Variants in VGLL3 observed in about 807,000 individuals in gnomAD.
The protein encoded by VGLL3 is transcription cofactor vestigial-like protein 3.
Under a neutral mutation model 29.2 loss-of-function variants are expected in VGLL3, and 18 were observed. That is an observed-to-expected ratio of 0.62 (90% CI 0.43 to 0.91). The LOEUF is 0.91. VGLL3 is among the 40% of genes least tolerant of loss of function. VGLL3 has a pLI of 0.00. For synonymous variants in VGLL3, 180 were observed against 151.8 expected, an observed-to-expected ratio of 1.19 and a Z score of -1.36; for missense variants, 440 against 413.2, an observed-to-expected ratio of 1.06 and a Z score of -0.56.
Position 86,946,113 on chromosome 3 carries a change from A to T in VGLL3, c.*911T>A, listed in dbSNP as rs1426959445. 1.3e-5 allele frequency: 2 copies of T among 152,106 alleles called. No individual in the cohort carries two copies. Among genetic ancestry groups the T allele is most frequent in the African/African-American group, 4.8e-5 (2 of 41,422 alleles). 9.4% of individuals were successfully genotyped at this position (152,106 alleles called of 1,614,324 possible). On this transcript the variant is annotated 3_prime_UTR_variant, in exon 4 of 4. Transcript: ENST00000398399. ...ATTTTTTTCCTTGTAGTTGTATATAACCTCTGGTTCCATTTATCAAATTTG... is the reference window on the plus strand; with the variant it reads ...ATTTTTTTCCTTGTAGTTGTATATATCCTCTGGTTCCATTTATCAAATTTG...
rs1468354992 is a variant in VGLL3 at position 86,941,326 on chromosome 3, C to T, written c.*5698G>A. ...ACGGCATAGAAAGAAATGTACATCT[C>T]TATTAATATAAAGTGATATCAATAG... On this transcript the variant is annotated 3_prime_UTR_variant, in exon 4 of 4. Transcript: ENST00000398399. 1 of 152,284 alleles carries T rather than the reference C, an allele frequency of 6.6e-6. No individual in the cohort carries two copies. Among genetic ancestry groups the T allele is most frequent in the Admixed American group, 6.6e-5 (1 of 15,238 alleles). 9.4% of individuals were successfully genotyped at this position (152,284 alleles called of 1,614,324 possible).
At chr3:86,981,112 A>G (rs1705316843) in intron 1 of VGLL3, among the ~76,000 whole-genome samples, 1 of 152,154 alleles carries the variant, frequency 6.6e-6, no homozygotes, top group Non-Finnish European at 1.5e-5. Flanking sequence ...ATGAAATAAA[A>G]TTGAAGTTAT....
chr3:86,966,056 T>A (rs1704951491), intron 3 of VGLL3, among the ~76,000 whole-genome samples: 1 of 152,152 alleles, frequency 6.6e-6, no homozygotes. Flanking sequence ...AATGACCACA[T>A]ATGGCTCAGC....
chr3:86,960,215 T>C (rs1304863317), intron 3 of VGLL3, among the ~76,000 whole-genome samples: 1 of 152,188 alleles, frequency 6.6e-6, no homozygotes, highest in Non-Finnish European at 1.5e-5. Context: ...TTGTCACTTG[T>C]GAATAATGTC....
chr3:86,989,399 TGAATCTG>T (rs760973107), intron 1 of VGLL3, among the ~76,000 whole-genome samples: 16 of 152,210 alleles, frequency 1.1e-4, no homozygotes, highest in Admixed American at 4.6e-4. Flanking sequence ...ATTTAGCAGA[TGAATCTG>T]GGGCATGTAC....
intron 2 of VGLL3, among the ~76,000 whole-genome samples, chr3:86,973,830 G>A (rs959274979): frequency 1.3e-5 from 2 of 152,134 alleles, no homozygotes; most frequent in African/African-American, 4.8e-5. Flanking sequence ...TGAGCCAACA[G>A]ATGATTTTCT....
intron 3 of VGLL3, among the ~76,000 whole-genome samples, chr3:86,967,929 T>C (rs1186599710): frequency 6.6e-6 from 1 of 152,166 alleles, no homozygotes; most frequent in Non-Finnish European, 1.5e-5. Flanking sequence ...ATCTGTTGAA[T>C]ATAAATTTTA....
At chr3:86,990,251 C>G in intron 1 of VGLL3, 1 of 951,604 alleles carries the variant, frequency 1.1e-6, no homozygotes, top group Non-Finnish European at 1.3e-6. Flanking sequence ...CTGAAACATT[C>G]CATCTTTCCA....
chr3:86,957,182 G>A (rs1422185165), intron 3 of VGLL3, among the ~76,000 whole-genome samples: 2 of 151,988 alleles, frequency 1.3e-5, no homozygotes, highest in South Asian at 2.1e-4. Flanking sequence ...TGTTAACCCC[G>A]CAATATTTTT....
chr3:86,950,080 AC>A (rs1305880519), intron 3 of VGLL3, among the ~76,000 whole-genome samples: 1 of 152,120 alleles, frequency 6.6e-6, no homozygotes, highest in East Asian at 1.9e-4. Context: ...TCCTATTCAT[AC>A]TTTTCTGCTT....
At chr3:86,975,753 G>A (rs1009249846) in intron 2 of VGLL3, among the ~76,000 whole-genome samples, 1 of 152,134 alleles carries the variant, frequency 6.6e-6, no homozygotes, top group African/African-American at 2.4e-5. Context: ...GATAATAGGA[G>A]ATGAAAATTG....
At chr3:86,954,636 A>G (rs575159077) in intron 3 of VGLL3, among the ~76,000 whole-genome samples, 1 of 152,236 alleles carries the variant, frequency 6.6e-6, no homozygotes, top group African/African-American at 2.4e-5. Flanking sequence ...TTTTTATCAT[A>G]GTGGCAATTT....
intron 3 of VGLL3, among the ~76,000 whole-genome samples, chr3:86,965,113 C>T (rs535658837): frequency 1.3e-4 from 20 of 150,954 alleles, no homozygotes; most frequent in Admixed American, 4.6e-4. Context: ...GCTGAAATTG[C>T]GCCACTGCAC....
At chr3:86,990,449 G>T in intron 1 of VGLL3, 169 bp downstream of exon 1, 1 of 976,568 alleles carries the variant, frequency 1.0e-6, no homozygotes, top group Non-Finnish European at 1.2e-6. Context: ...CCACCCTGCT[G>T]CTCTCCCTTC....
At chr3:86,956,260 G>A (rs1704720526) in intron 3 of VGLL3, among the ~76,000 whole-genome samples, 2 of 152,204 alleles carry the variant, frequency 1.3e-5, no homozygotes, top group Admixed American at 6.5e-5. Context: ...ATAAGAACCT[G>A]ACCACTGAAA....
chr3:86,948,502 G>T (rs1353077617), intron 3 of VGLL3, among the ~76,000 whole-genome samples: 1 of 152,030 alleles, frequency 6.6e-6, no homozygotes, highest in Non-Finnish European at 1.5e-5. Flanking sequence ...AAGGGCAAAA[G>T]AACAAATAGA....
intron 2 of VGLL3, among the ~76,000 whole-genome samples, chr3:86,978,094 C>G (rs917757514): frequency 3.3e-5 from 5 of 152,284 alleles, no homozygotes; most frequent in African/African-American, 9.6e-5. Flanking sequence ...ACACAGACAG[C>G]TTTCAATGTC....
intron 2 of VGLL3, among the ~76,000 whole-genome samples, chr3:86,976,561 T>C (rs1705215072): frequency 6.6e-6 from 1 of 152,220 alleles, no homozygotes; most frequent in African/African-American, 2.4e-5. Context: ...AAGAAAACTT[T>C]AGTAGTAGTT....
chr3:86,949,751 C>T (rs1386006131), intron 3 of VGLL3, among the ~76,000 whole-genome samples: 5 of 148,610 alleles, frequency 3.4e-5, no homozygotes, highest in African/African-American at 1.2e-4. Context: ...GGCGTGAACC[C>T]GGGAGGCAGA....
Sources: allele counts gnomAD v4.1 joint callset (sites outside exome capture counted in the v4.1 genomes callset), GRCh38; gene constraint gnomAD v4.1.1; transcripts MANE v1.5; gene names NCBI Gene and HGNC (gene_info 2026-07-23, HGNC 2026-07-21).